Variants in CASD1 observed in about 807,000 individuals in gnomAD.
CASD1 encodes CAS1 domain sialic acid O acetyltransferase 1, also known as N-acetylneuraminate (7)9-O-acetyltransferase.
CASD1 carries 41 observed loss-of-function variants against 100.0 expected under a neutral mutation model. That is an observed-to-expected ratio of 0.41 (90% CI 0.32 to 0.53). The LOEUF is 0.53. Ranked by LOEUF, CASD1 falls within the 20% of genes least tolerant of loss-of-function variation. The pLI, the probability that CASD1 is intolerant of heterozygous loss-of-function variation, is 0.25. For synonymous variants in CASD1, 321 were observed against 315.6 expected (o/e 1.02, Z -0.18); for missense variants, 774 against 948.7 (o/e 0.82, Z 2.42).
At chr7:94,629,507 G>T in the CASD1 span, 2 of 478,296 alleles carry the variant, frequency 4.2e-6, no homozygotes, top group South Asian at 4.4e-5. Flanking sequence ...TGAGAATCCA[G>T]AAATATGCTT....
chr7:94,595,198 A>G, the CASD1 span, among the ~76,000 whole-genome samples: 31 of 152,288 alleles, frequency 2.0e-4, no homozygotes, highest in African/African-American at 7.2e-4. Context: ...CATTCTACCA[A>G]AAAGAAAATA....
At chr7:94,623,507 G>C in the CASD1 span, 5 of 735,472 alleles carry the variant, frequency 6.8e-6, no homozygotes, top group Admixed American at 7.2e-5. Context: ...TTCATTATTT[G>C]TTGATATACT....
At chr7:94,599,031 GA>G in the CASD1 span, 18 of 1,137,880 alleles carry the variant, frequency 1.6e-5, no homozygotes, top group Non-Finnish European at 2.2e-5. Context: ...TCATCAATTT[GA>G]AAAACTTATG....
the CASD1 span, among the ~76,000 whole-genome samples, chr7:94,572,464 C>G: frequency 2.6e-5 from 4 of 152,148 alleles, no homozygotes; most frequent in Non-Finnish European, 5.9e-5. Context: ...GTACATTCAT[C>G]ATTTCTCTAA....
chr7:94,619,032 G>C, the CASD1 span: 1 of 1,040,260 alleles, frequency 9.6e-7, no homozygotes, highest in Non-Finnish European at 1.5e-6. Context: ...AACAATTTGC[G>C]ATTTGTTGAG....
chr7:94,606,882 T>C, the CASD1 span, among the ~76,000 whole-genome samples: 2 of 152,060 alleles, frequency 1.3e-5, no homozygotes, highest in South Asian at 2.1e-4. Flanking sequence ...AAAGGAGAAA[T>C]CTTGGATGAA....
chr7:94,622,241 T>C, the CASD1 span: 3 of 152,198 alleles, frequency 2.0e-5, no homozygotes, highest in African/African-American at 7.2e-5. Flanking sequence ...ATTGTTTTCT[T>C]GTTTTTAGAG....
In CASD1 at chr7:94,509,825, G is replaced by A. The variant is rs1221474924; in HGVS notation, c.-260G>A. On this transcript the variant is annotated 5_prime_UTR_variant, in exon 1 of 18. Transcript: ENST00000297273. ...GAAGGGGAGGAGACAGGCGTCCAGG[G>A]CGCCTGGGGAACCGGCACGGCGGAG... is the stretch of plus-strand genomic sequence containing the variant. 2 of 999,358 alleles carry A rather than the reference G, an allele frequency of 2.0e-6. No homozygotes were observed. The highest frequency in any genetic ancestry group is 6.0e-5 in the Admixed American group (1 of 16,724). 61.9% of individuals were successfully genotyped at this position (999,358 alleles called of 1,614,324 possible).
the CASD1 span, among the ~76,000 whole-genome samples, chr7:94,577,013 G>A: frequency 6.6e-6 from 1 of 151,888 alleles, no homozygotes; most frequent in Non-Finnish European, 1.5e-5. Context: ...TCTTTTTATT[G>A]ATATTCTCTA....
chr7:94,609,803 G>C, the CASD1 span, among the ~76,000 whole-genome samples: 1 of 152,138 alleles, frequency 6.6e-6, no homozygotes, highest in Admixed American at 6.6e-5. Flanking sequence ...CAGCTTGGCA[G>C]TTTCTTACAA....
the CASD1 span, chr7:94,629,670 CA>C: frequency 3.1e-6 from 5 of 1,597,538 alleles, no homozygotes; most frequent in South Asian, 1.1e-5. Flanking sequence ...GCAAATTAAA[CA>C]AAAAATTTAG....
chr7:94,514,176 G>A (rs115997672), intron 1 of CASD1, among the ~76,000 whole-genome samples: 1,760 of 152,026 alleles, frequency 0.012, 35 homozygotes, highest in African/African-American at 0.04. Context: ...GATATTGGAT[G>A]TTCTGGAGAA....
intron 5 of CASD1, among the ~76,000 whole-genome samples, chr7:94,531,798 A>G (rs911408712): frequency 6.6e-6 from 1 of 152,050 alleles, no homozygotes; most frequent in Admixed American, 6.6e-5. Flanking sequence ...TCTTGTGTGT[A>G]TGATTGCAAT....
downstream of CASD1, among the ~76,000 whole-genome samples, chr7:94,561,088 A>G (rs895438624): frequency 2.0e-5 from 3 of 152,140 alleles, no homozygotes; most frequent in African/African-American, 7.2e-5. Context: ...TCTACTAAAA[A>G]TACAAAAAAT....
At chr7:94,623,870 G>A in the CASD1 span, 1 of 355,160 alleles carries the variant, frequency 2.8e-6, no homozygotes, top group Non-Finnish European at 5.0e-6. Context: ...GTCAAAAAAT[G>A]TCATAAATAA....
At chr7:94,630,234 TC>T in the CASD1 span, among the ~76,000 whole-genome samples, 1 of 151,868 alleles carries the variant, frequency 6.6e-6, no homozygotes, top group East Asian at 1.9e-4. Flanking sequence ...TTTTCTTCTT[TC>T]CTTTTTTTTA....
the CASD1 span, among the ~76,000 whole-genome samples, chr7:94,593,837 C>G: frequency 1.3e-5 from 2 of 152,066 alleles, no homozygotes; most frequent in Non-Finnish European, 2.9e-5. Flanking sequence ...TGAATAACAA[C>G]CCTTCTTACT....
intron 1 of CASD1, among the ~76,000 whole-genome samples, chr7:94,511,738 A>G (rs4729136): frequency 0.023 from 3,456 of 152,312 alleles, 252 homozygotes; most frequent in East Asian, 0.17. Flanking sequence ...TTGTCCTAAG[A>G]TAAATAAACA....
the CASD1 span, among the ~76,000 whole-genome samples, chr7:94,566,293 G>C: frequency 6.6e-6 from 1 of 152,136 alleles, no homozygotes; most frequent in Admixed American, 6.5e-5. Context: ...AATTTTATAA[G>C]CAAGGAAAGG....
Sources: allele counts gnomAD v4.1 joint callset (sites outside exome capture counted in the v4.1 genomes callset), GRCh38; gene constraint gnomAD v4.1.1; transcripts MANE v1.5; gene names NCBI Gene and HGNC (gene_info 2026-07-23, HGNC 2026-07-21).